TBC1D14: variants seen among roughly 807,000 people sequenced by gnomAD.
TBC1D14 encodes TBC1 domain family, member 14.
Under a neutral mutation model 79.0 loss-of-function variants are expected in TBC1D14, and 26 were observed. That is an observed-to-expected ratio of 0.33 (90% confidence interval 0.24 to 0.46). The LOEUF (loss-of-function observed/expected upper bound fraction) is 0.46, where lower values mean the gene tolerates loss of function less well. TBC1D14 is among the 20% of genes least tolerant of loss of function. The probability of loss-of-function intolerance (pLI) is 1.00; values close to 1 mark genes in which losing one functional copy is unlikely to be tolerated. For synonymous variants in TBC1D14, 394 were observed against 349.9 expected, an observed-to-expected ratio of 1.13 and a Z score of -1.40; for missense variants, 769 against 887.6, an observed-to-expected ratio of 0.87 and a Z score of 1.70.
intron 8 of TBC1D14, among the ~76,000 whole-genome samples, chr4:7,006,121 G>C (rs1720171653): frequency 6.6e-6 from 1 of 152,240 alleles, no homozygotes; most frequent in Non-Finnish European, 1.5e-5. Context: ...GGGCAGATAA[G>C]GCCAGGAGTT....
chr4:6,998,504 A>T (rs1719304765), intron 5 of TBC1D14, among the ~76,000 whole-genome samples: 1 of 151,082 alleles, frequency 6.6e-6, no homozygotes, highest in Non-Finnish European at 1.5e-5. Context: ...AATTTCAGGG[A>T]TTTTTCTATT....
At chr4:7,005,675 G>C (rs998886165) in intron 8 of TBC1D14, among the ~76,000 whole-genome samples, 17 of 151,920 alleles carry the variant, frequency 1.1e-4, no homozygotes. Flanking sequence ...CTCCAGCCTA[G>C]GTGACAGAGC....
At chr4:6,932,581 G>A (rs1392394268) in intron 2 of TBC1D14, among the ~76,000 whole-genome samples, 1 of 152,158 alleles carries the variant, frequency 6.6e-6, no homozygotes, top group Non-Finnish European at 1.5e-5. Flanking sequence ...GTGTGATGTT[G>A]GCTTTGACTT....
At chr4:7,012,533 GC>G (rs1415323260) in intron 11 of TBC1D14, among the ~76,000 whole-genome samples, 1 of 152,212 alleles carries the variant, frequency 6.6e-6, no homozygotes, top group African/African-American at 2.4e-5. Flanking sequence ...TGTGAGAATA[GC>G]TGAAATGAGG....
intron 2 of TBC1D14, among the ~76,000 whole-genome samples, chr4:6,960,170 C>T (rs1001636624): frequency 6.6e-6 from 1 of 151,398 alleles, no homozygotes; most frequent in Non-Finnish European, 1.5e-5. Context: ...CAACCTCCGC[C>T]TCCGGGGCTC....
rs1170470141 is a variant in TBC1D14 at position 6,923,809 on chromosome 4, C to G, written c.420C>G (p.Leu140=). The change falls in exon 2 of 14, where the codon CTC becomes CTG. Residue 140 remains leucine, a synonymous_variant. Coordinates refer to ENST00000409757, the MANE Select transcript of TBC1D14 (RefSeq NM_020773.3). ...FPRTGYDSVK[L]YSPTSKALTR... ...GGACAGGCTATGACTCGGTAAAGCT[C>G]TATAGCCCGACCTCCAAAGCCCTGA... 2 of 1,614,180 alleles carry G rather than the reference C, an allele frequency of 1.2e-6. No individual in the cohort carries two copies. Among genetic ancestry groups the G allele is most frequent in the Admixed American group, 3.3e-5 (2 of 60,028 alleles).
At chr4:6,933,270 T>C (rs1414936840) in intron 2 of TBC1D14, among the ~76,000 whole-genome samples, 75 of 2,524 alleles carry the variant, frequency 0.03, 10 homozygotes, top group Non-Finnish European at 0.039. Flanking sequence ...TCCCCTCCCT[T>C]CCCCTCCCCC....
intron 2 of TBC1D14, among the ~76,000 whole-genome samples, chr4:6,956,295 G>T (rs1714629889): frequency 6.6e-6 from 1 of 152,194 alleles, no homozygotes; most frequent in African/African-American, 2.4e-5. Context: ...GAGGGATTGT[G>T]CAGGACAGAC....
At chr4:6,954,646 G>A (rs1714458986) in intron 2 of TBC1D14, among the ~76,000 whole-genome samples, 1 of 152,156 alleles carries the variant, frequency 6.6e-6, no homozygotes, top group Non-Finnish European at 1.5e-5. Flanking sequence ...TGTCGCCCAG[G>A]CTGGAGTGCA....
At chr4:6,929,595 T>C (rs1403305448) in intron 2 of TBC1D14, among the ~76,000 whole-genome samples, 3 of 151,820 alleles carry the variant, frequency 2.0e-5, no homozygotes, top group African/African-American at 7.3e-5. Flanking sequence ...TGCCGTAGCA[T>C]GAGGCGCTCA....
intron 1 of TBC1D14, chr4:6,910,441 C>G (rs1432011680): frequency 6.6e-6 from 1 of 152,514 alleles, no homozygotes; most frequent in African/African-American, 2.4e-5. Context: ...GCGAAACCCC[C>G]TTTCATCTCG....
At chr4:6,987,850 A>C (rs1188720585) in intron 3 of TBC1D14, among the ~76,000 whole-genome samples, 1 of 152,232 alleles carries the variant, frequency 6.6e-6, no homozygotes, top group Non-Finnish European at 1.5e-5. Flanking sequence ...TGTTTCATTC[A>C]CCAGCCCGCA....
chr4:6,987,234 G>A (rs928904915), intron 3 of TBC1D14: 70 of 1,256,518 alleles, frequency 5.6e-5, no homozygotes, highest in Non-Finnish European at 6.7e-5. Flanking sequence ...GCGAGTCTGA[G>A]GAGCCGCCGC....
Position 7,030,393 on chromosome 4 carries a change from G to C in TBC1D14, c.*1G>C, listed in dbSNP as rs1649887402. 2 of 1,613,828 alleles carry C rather than the reference G, an allele frequency of 1.2e-6. No individual in the cohort carries two copies. The highest frequency in any genetic ancestry group is 2.7e-5 in the African/African-American group (2 of 74,934). On this transcript the variant is annotated 3_prime_UTR_variant, in exon 14 of 14. Coordinates refer to ENST00000409757, the MANE Select transcript of TBC1D14 (RefSeq NM_020773.3). ...GGGAAGTCCGTCCCTCCGACACTGA[G>C]GCTGCAGCGGGAATTCGCACTCGGC... is the stretch of plus-strand genomic sequence containing the variant.
intron 12 of TBC1D14, among the ~76,000 whole-genome samples, chr4:7,017,873 G>A (rs1196566870): frequency 6.6e-6 from 1 of 152,334 alleles, no homozygotes; most frequent in East Asian, 1.9e-4. Flanking sequence ...GTGGTCCGCA[G>A]TGATTCAGGC....
chr4:6,961,210 A>AG (rs11385869), intron 2 of TBC1D14, among the ~76,000 whole-genome samples: 110,894 of 151,968 alleles, frequency 0.73, 41,208 homozygotes, highest in East Asian at 0.97. Flanking sequence ...TCTGGCTTAC[A>AG]GGTAGGCTCT....
At chr4:6,931,436 CT>C (rs1352512998) in intron 2 of TBC1D14, among the ~76,000 whole-genome samples, 1 of 152,184 alleles carries the variant, frequency 6.6e-6, no homozygotes, top group Non-Finnish European at 1.5e-5. Flanking sequence ...TCTGGGTGAG[CT>C]TCAATTTGAG....
Position 6,976,542 on chromosome 4 carries a change from G to C in TBC1D14, c.843+9118G>C, listed in dbSNP as rs551730110. 1.0e-3 allele frequency among the ~76,000 whole-genome samples: 155 copies of C among 152,310 alleles called. 3 individuals are homozygous for C. Among genetic ancestry groups the C allele is most frequent in the African/African-American group, 3.5e-3 (145 of 41,564 alleles). On this transcript the variant is annotated intron_variant, in intron 3 of 13. Transcript: ENST00000409757. ...TATTGTTAGAGCGCCGAAAAGAACT[G>C]TCAACCCAAATTCTGTATCCAGCAA...
chr4:6,975,410 A>G (rs1284193986), intron 3 of TBC1D14, among the ~76,000 whole-genome samples: 2 of 151,788 alleles, frequency 1.3e-5, no homozygotes, highest in African/African-American at 4.8e-5. Flanking sequence ...AGGTTTTGCC[A>G]TGTTGCCCAG....
Sources: gnomAD v4.1 joint callset for allele counts (sites outside exome capture counted in the v4.1 genomes callset) on GRCh38, gnomAD v4.1.1 for gene constraint, MANE v1.5 for transcripts, NCBI Gene and HGNC (gene_info 2026-07-23, HGNC 2026-07-21) for gene names.